Variants in GSE1 observed in about 807,000 individuals in gnomAD.
The protein encoded by GSE1 is Gse1 coiled-coil protein.
In GSE1, 32 loss-of-function variants were observed where a neutral mutation model predicts 112.6. The ratio of observed to expected loss-of-function variants is 0.28; its 90% CI spans 0.21 to 0.38. The LOEUF (loss-of-function observed/expected upper bound fraction) is 0.38, where lower values mean the gene tolerates loss of function less well. Ranked by LOEUF, GSE1 falls within the 10% of genes least tolerant of loss-of-function variation. The pLI, the probability that GSE1 is intolerant of heterozygous loss-of-function variation, is 1.00. For missense variants in GSE1, 2,348 were observed against 1,699.2 expected (o/e 1.38, Z -6.71); for synonymous variants, 1,115 against 735.6 (o/e 1.52, Z -8.35).
intron 1 of GSE1, among the ~76,000 whole-genome samples, chr16:85,320,977 C>T (rs2046095085): frequency 6.6e-6 from 1 of 152,220 alleles, no homozygotes; most frequent in Non-Finnish European, 1.5e-5. Flanking sequence ...ACTCCCGTCA[C>T]TCCAGTCTTA....
intron 1 of GSE1, among the ~76,000 whole-genome samples, chr16:85,338,213 G>A (rs998696240): frequency 6.6e-6 from 1 of 152,204 alleles, no homozygotes; most frequent in Non-Finnish European, 1.5e-5. Flanking sequence ...TCTCTGCACC[G>A]GCAGATCTTC....
At chr16:85,331,108 T>C in intron 1 of GSE1, among the ~76,000 whole-genome samples, 1 of 151,896 alleles carries the variant, frequency 6.6e-6, no homozygotes, top group East Asian at 1.9e-4. Context: ...ATGCTTCCTG[T>C]CTTTGTTTTT....
intron 1 of GSE1, among the ~76,000 whole-genome samples, chr16:85,244,858 G>A (rs55675495): frequency 1.3e-5 from 2 of 152,100 alleles, no homozygotes; most frequent in African/African-American, 4.8e-5. Flanking sequence ...GTGCGTGATG[G>A]CACATGCCTG....
intron 1 of GSE1, among the ~76,000 whole-genome samples, chr16:85,221,001 C>T (rs2143747301): frequency 7.1e-6 from 1 of 141,628 alleles, no homozygotes; most frequent in East Asian, 2.3e-4. Flanking sequence ...CATGGGAGAA[C>T]AGCCAAGCCT....
intron 1 of GSE1, among the ~76,000 whole-genome samples, chr16:85,342,115 G>A (rs1008215288): frequency 6.6e-6 from 1 of 151,866 alleles, no homozygotes; most frequent in Non-Finnish European, 1.5e-5. Flanking sequence ...CTGACACCTC[G>A]GGACCCACCA....
At chr16:85,176,456 G>A (rs1263066673) in intron 1 of GSE1, among the ~76,000 whole-genome samples, 3 of 152,220 alleles carry the variant, frequency 2.0e-5, no homozygotes, top group Non-Finnish European at 4.4e-5. Context: ...CTGAGCAGTG[G>A]TGCCCCGTGC....
chr16:85,501,724 G>C (rs920326914), intron 2 of GSE1, among the ~76,000 whole-genome samples: 12 of 152,184 alleles, frequency 7.9e-5, no homozygotes, highest in African/African-American at 2.9e-4. Context: ...GGAGGTACCA[G>C]TTCAGCCCAC....
At chr16:85,191,577 G>C (rs780239893) in intron 1 of GSE1, among the ~76,000 whole-genome samples, 1 of 152,094 alleles carries the variant, frequency 6.6e-6, no homozygotes, top group African/African-American at 2.4e-5. Flanking sequence ...TTTCCCCCTC[G>C]GCATGTTCAG....
intron 2 of GSE1, among the ~76,000 whole-genome samples, chr16:85,643,156 A>G (rs1194021577): frequency 6.6e-6 from 1 of 152,138 alleles, no homozygotes; most frequent in African/African-American, 2.4e-5. Flanking sequence ...CCTCAGCGCT[A>G]ATCTTCGAGG....
intron 1 of GSE1, among the ~76,000 whole-genome samples, chr16:85,252,201 C>T (rs1906559785): frequency 6.6e-6 from 1 of 152,190 alleles, no homozygotes; most frequent in African/African-American, 2.4e-5. Flanking sequence ...ATGTGGTCAC[C>T]CGGCCTGGCT....
upstream of GSE1, among the ~76,000 whole-genome samples, chr16:85,554,167 G>A (rs116502688): frequency 2.0e-5 from 3 of 152,226 alleles, no homozygotes; most frequent in African/African-American, 7.2e-5. Flanking sequence ...AGGAGAGGGT[G>A]GGGGGACGTG....
At chr16:85,663,954 G>GCTGC (rs2052634306) in intron 11 of GSE1, among the ~76,000 whole-genome samples, 1 of 152,270 alleles carries the variant, frequency 6.6e-6, no homozygotes, top group African/African-American at 2.4e-5. Context: ...AGGTTTGTCT[G>GCTGC]CTGCAGGCTT....
intron 1 of GSE1, among the ~76,000 whole-genome samples, chr16:85,622,838 T>C (rs2048827371): frequency 6.6e-6 from 1 of 152,188 alleles, no homozygotes; most frequent in Admixed American, 6.5e-5. Flanking sequence ...ACCGTGTCGA[T>C]GACATCTGAG....
intron 1 of GSE1, among the ~76,000 whole-genome samples, chr16:85,307,140 GGGGGTGGGGT>G (rs748314581): frequency 6.6e-5 from 10 of 151,154 alleles, no homozygotes; most frequent in African/African-American, 2.4e-4. Context: ...CCCCGATAGT[GGGGGTGGGGT>G]GGGGTGGGGT....
intron 1 of GSE1, among the ~76,000 whole-genome samples, chr16:85,318,051 A>C (rs1397749243): frequency 1.3e-5 from 2 of 152,168 alleles, no homozygotes; most frequent in Non-Finnish European, 2.9e-5. Flanking sequence ...GCCACGTTTG[A>C]ACAGGGCAGG....
At chr16:85,592,784 C>T (rs1021442665) in intron 1 of GSE1, 1 of 152,488 alleles carries the variant, frequency 6.6e-6, no homozygotes, top group Admixed American at 6.5e-5. Context: ...CTGAACCTCT[C>T]TGTGCCTCAG....
At chr16:85,577,035 C>A (rs956461299) in intron 1 of GSE1, among the ~76,000 whole-genome samples, 2 of 152,144 alleles carry the variant, frequency 1.3e-5, no homozygotes, top group African/African-American at 4.8e-5. Flanking sequence ...AGCTGACCAT[C>A]CCCAAGCACC....
intron 1 of GSE1, among the ~76,000 whole-genome samples, chr16:85,187,869 G>C (rs1382352887): frequency 6.6e-6 from 1 of 152,226 alleles, no homozygotes; most frequent in Non-Finnish European, 1.5e-5. Context: ...GGAAAGGCAG[G>C]GGGAGGTAGC....
intron 11 of GSE1, 152 bp downstream of exon 11, chr16:85,663,766 C>G (rs2052620233): frequency 2.6e-6 from 2 of 767,792 alleles, no homozygotes; most frequent in Non-Finnish European, 4.2e-6. Flanking sequence ...GGAACAGCCT[C>G]TCTGTTCTTA....
Sources: gnomAD v4.1 joint callset for allele counts (sites outside exome capture counted in the v4.1 genomes callset) on GRCh38, gnomAD v4.1.1 for gene constraint, MANE v1.5 for transcripts, NCBI Gene and HGNC (gene_info 2026-07-23, HGNC 2026-07-21) for gene names.